The following UBAP2L variants were observed in gnomAD, a reference collection of about 807,000 sequenced individuals.
UBAP2L encodes the protein ubiquitin associated protein 2 like.
Under a neutral mutation model 130.6 loss-of-function variants are expected in UBAP2L, and 12 were observed. The ratio of observed to expected loss-of-function variants is 0.09; its 90% CI spans 0.06 to 0.15. The LOEUF (loss-of-function observed/expected upper bound fraction) is 0.15, where lower values mean the gene tolerates loss of function less well. Ranked by LOEUF, UBAP2L falls within the 10% of genes least tolerant of loss-of-function variation. The probability of loss-of-function intolerance (pLI) is 1.00; values close to 1 mark genes in which losing one functional copy is unlikely to be tolerated. For synonymous variants in UBAP2L, 503 were observed against 524.7 expected, an observed-to-expected ratio of 0.96 and a Z score of 0.57; for missense variants, 965 against 1,332.5, an observed-to-expected ratio of 0.72 and a Z score of 4.29.
In UBAP2L at chr1:154,258,993, A is replaced by T. The variant is rs142049798; in HGVS notation, c.2459A>T (p.Tyr820Phe). Reference protein sequence around the residue: ...LHAYPPQVYGYDDLQMLQTRF... With the variant: ...LHAYPPQVYGFDDLQMLQTRF... ...ATCTTTCAGCCACAAGTATATGGTTATGATGACTTGCAGATGCTTCAGACA... is the reference window on the plus strand; with the variant it reads ...ATCTTTCAGCCACAAGTATATGGTTTTGATGACTTGCAGATGCTTCAGACA... Residue 820 changes from tyrosine to phenylalanine, a missense_variant, in exon 21 of 27, where the codon TAT becomes TTT. Tyr to Phe is a conservative substitution (Grantham distance 22, BLOSUM62 3). Around this residue, in one of 9 missense-constraint regions of UBAP2L, gnomAD observed 393 missense variants for 408.1 expected, o/e 0.96. Transcript: ENST00000428931. The T allele has an allele frequency of 1.7e-5, 28 of 1,613,960 alleles. No homozygotes were observed. The highest frequency in any genetic ancestry group is 2.2e-5 in the Non-Finnish European group (26 of 1,179,978).
chr1:154,237,190 T>G, intron 8 of UBAP2L, 54 bp downstream of exon 8: 1 of 1,478,860 alleles, frequency 6.8e-7, no homozygotes, highest in Non-Finnish European at 9.4e-7. Flanking sequence ...AGGAAATAGT[T>G]TTTTCTGATT....
intron 20 of UBAP2L, chr1:154,258,669 G>A (rs1680484701): frequency 4.5e-6 from 1 of 221,318 alleles, no homozygotes; most frequent in Non-Finnish European, 9.0e-6. Context: ...AAGAGACAGA[G>A]ACTTGTAGAA....
intron 6 of UBAP2L, 45 bp from the exon 7 acceptor site, chr1:154,236,521 C>G (rs769156318): frequency 1.2e-6 from 2 of 1,609,744 alleles, no homozygotes; most frequent in Non-Finnish European, 1.7e-6. Flanking sequence ...TTTATATCAA[C>G]TTCTAAAATA....
intron 3 of UBAP2L, 43 bp downstream of exon 3, chr1:154,227,402 C>T: frequency 6.5e-7 from 1 of 1,540,518 alleles, no homozygotes; most frequent in Non-Finnish European, 9.0e-7. Context: ...AGAAAAGATA[C>T]CAGTATTAAG....
chr1:154,257,292 G>A, intron 19 of UBAP2L, 34 bp downstream of exon 19: 1 of 1,614,100 alleles, frequency 6.2e-7, no homozygotes, highest in Non-Finnish European at 8.5e-7. Context: ...ATTCCTCTGG[G>A]ATGGAGGAGG....
At chr1:154,220,395 T>C (rs1199057855), upstream of UBAP2L, 7 of 1,614,236 alleles carry the variant, frequency 4.3e-6, no homozygotes, top group Middle Eastern at 1.7e-4. Context: ...AGCCAGTTAC[T>C]GCCGGACGCC....
intron 14 of UBAP2L, among the ~76,000 whole-genome samples, chr1:154,252,438 A>C (rs901429516): frequency 1.3e-5 from 2 of 148,766 alleles, no homozygotes; most frequent in Non-Finnish European, 3.0e-5. Context: ...GTGCCACCAC[A>C]TCCGGCTAAT....
At chr1:154,256,598 C>T (rs746035703) in intron 18 of UBAP2L, among the ~76,000 whole-genome samples, 3 of 152,098 alleles carry the variant, frequency 2.0e-5, no homozygotes, top group Non-Finnish European at 4.4e-5. Flanking sequence ...AAGATTGCAC[C>T]ACTGCACCCC....
rs557489922 is a variant in UBAP2L, at chr1:154,221,000, T to TGGC, written c.-41+41_-41+43dup. 58 of 192,840 alleles carry TGGC rather than the reference T, an allele frequency of 3.0e-4. 1 individual carries two copies. The highest frequency in any genetic ancestry group is 8.8e-4 in the East Asian group (5 of 5,672). 11.9% of individuals were successfully genotyped at this position (192,840 alleles called of 1,614,324 possible). On this transcript the variant is annotated intron_variant, in intron 1 of 26. Coordinates refer to ENST00000428931, the MANE Select transcript of UBAP2L (RefSeq NM_014847.4). ...GGTAAAGTTGGGAGCGCAGCGGCGT[T>TGGC]GGCGGCGGCGGCGGCGGCAGCGGCA...
chr1:154,225,357 A>G lies in UBAP2L; in HGVS notation c.90+144A>G, dbSNP rs1667568950. ...CTAGTCCTTGGCTCTTTTTTTACTTAGGTCCTGATAACTGTTCATGACATG... is the reference window on the plus strand; with the variant it reads ...CTAGTCCTTGGCTCTTTTTTTACTTGGGTCCTGATAACTGTTCATGACATG... On this transcript the variant is annotated intron_variant, in intron 2 of 26. Transcript: ENST00000428931. 3.6e-6 allele frequency: 3 copies of G among 829,186 alleles called. No individual in the cohort carries two copies. In the South Asian group the frequency reaches 5.0e-5, roughly 14 times the overall value. 51.4% of individuals were successfully genotyped at this position (829,186 alleles called of 1,614,324 possible).
intron 22 of UBAP2L, 118 bp downstream of exon 22, chr1:154,260,147 T>C: frequency 8.9e-7 from 1 of 1,121,042 alleles, no homozygotes. Context: ...TTCAAAATCC[T>C]GCTAAAGTTG....
At chr1:154,251,376 T>A (rs1050790746) in intron 13 of UBAP2L, 58 bp downstream of exon 13, 54 of 1,579,608 alleles carry the variant, frequency 3.4e-5, no homozygotes, top group Non-Finnish European at 4.3e-5. Flanking sequence ...GCTTGAGAAT[T>A]GAGATTAAAA....
At chr1:154,248,708 C>T (rs975110618) in intron 11 of UBAP2L, among the ~76,000 whole-genome samples, 3 of 151,898 alleles carry the variant, frequency 2.0e-5, no homozygotes, top group South Asian at 2.1e-4. Context: ...CCCAGCTACT[C>T]GGGAGGCTGA....
At chr1:154,221,542 A>G (rs1558100422) in intron 1 of UBAP2L, 1 of 152,608 alleles carries the variant, frequency 6.6e-6, no homozygotes, top group Non-Finnish European at 1.5e-5. Flanking sequence ...AGCTCCCCCA[A>G]ACTCCCCCAT....
Position 154,223,673 on chromosome 1 carries a change from C to T in UBAP2L, c.-40-1411C>T, listed in dbSNP as rs1203490796. Among the ~76,000 whole-genome samples the T allele has an allele frequency of 2.0e-5, 3 of 152,130 alleles. No individual in the cohort carries two copies. The East Asian group carries it at 5.8e-4, about 29-fold the overall frequency. On this transcript the variant is annotated intron_variant, in intron 1 of 26. Transcript: ENST00000428931. The stretch of plus-strand genomic sequence containing the variant: ...GAAGAGGTAATGGGTTAAAAATTAC[C>T]TGAGAAGCTACCTTAAAAAAATCTT...
intron 2 of UBAP2L, among the ~76,000 whole-genome samples, chr1:154,226,334 C>T (rs1479369219): frequency 6.6e-6 from 1 of 152,206 alleles, no homozygotes; most frequent in East Asian, 1.9e-4. Flanking sequence ...AAATTAACCT[C>T]TTGGATATTA....
chr1:154,259,068 T>G, intron 21 of UBAP2L, 38 bp downstream of exon 21: 1 of 1,576,110 alleles, frequency 6.3e-7, no homozygotes, highest in Non-Finnish European at 8.7e-7. Context: ...AAGAAAGTAG[T>G]CTTAAAATTA....
chr1:154,263,620 A>C (rs1165524938), intron 24 of UBAP2L: 1 of 671,292 alleles, frequency 1.5e-6, no homozygotes, highest in Non-Finnish European at 1.8e-6. Flanking sequence ...AAGAACTATT[A>C]ATTTTTCAGT....
intron 1 of UBAP2L, among the ~76,000 whole-genome samples, chr1:154,223,303 T>C (rs1020158067): frequency 6.6e-6 from 1 of 152,228 alleles, no homozygotes; most frequent in African/African-American, 2.4e-5. Context: ...AGTTTATACC[T>C]GCAATATAAC....
Sources: gnomAD v4.1 joint callset for allele counts (sites outside exome capture counted in the v4.1 genomes callset) on GRCh38, gnomAD v4.1.1 for gene constraint, gnomAD v4.1.1 regional missense constraint, MANE v1.5 for transcripts, NCBI Gene and HGNC (gene_info 2026-07-23, HGNC 2026-07-21) for gene names.